Variants in EFNA5 observed in about 807,000 individuals in gnomAD.
EFNA5 encodes the protein ephrin A5.
Under a neutral mutation model 22.9 loss-of-function variants are expected in EFNA5, and 5 were observed. That is an observed-to-expected ratio of 0.22 (90% CI 0.11 to 0.46). The LOEUF (loss-of-function observed/expected upper bound fraction) is 0.46. EFNA5 is among the 20% of genes least tolerant of loss of function. EFNA5 has a pLI of 0.99. For missense variants in EFNA5, 237 were observed against 293.3 expected (o/e 0.81, Z 1.40); for synonymous variants, 113 against 112.2 (o/e 1.01, Z -0.04).
At chr5:107,553,937 C>T (rs1360624081) in intron 1 of EFNA5, among the ~76,000 whole-genome samples, 2 of 152,120 alleles carry the variant, frequency 1.3e-5, no homozygotes, top group East Asian at 3.8e-4. Context: ...TTCCACACAT[C>T]ATTATATTTT....
In EFNA5 at chr5:107,601,438, T is replaced by C. The variant is rs139244218; in HGVS notation, c.125+69051A>G. Among the ~76,000 whole-genome samples the C allele has an allele frequency of 6.3e-3, 952 of 152,218 alleles. 11 individuals are homozygous for C. Among genetic ancestry groups the C allele is most frequent in the African/African-American group, 0.022 (900 of 41,516 alleles). Reference sequence around the variant, plus strand: ...TGCACCATCTTCAGGACTGTAGAAGTAAGTGTAACTCTGAGAAAACAACCA... The same window carrying C: ...TGCACCATCTTCAGGACTGTAGAAGCAAGTGTAACTCTGAGAAAACAACCA... On this transcript the variant is annotated intron_variant, in intron 1 of 4. Coordinates refer to ENST00000333274, the MANE Select transcript of EFNA5 (RefSeq NM_001962.3).
intron 1 of EFNA5, among the ~76,000 whole-genome samples, chr5:107,476,057 T>TATACATATATATATATATATATA: frequency 6.0e-5 from 6 of 100,430 alleles, no homozygotes; most frequent in South Asian, 3.1e-4. Flanking sequence ...TATATATATA[T>TATACATATATATATATATATATA]TTTTTTTTTT....
intron 1 of EFNA5, among the ~76,000 whole-genome samples, chr5:107,432,911 G>A (rs1005652938): frequency 6.6e-6 from 1 of 152,038 alleles, no homozygotes; most frequent in Non-Finnish European, 1.5e-5. Flanking sequence ...TGAAGACAAG[G>A]ATGAAGACCT....
intron 1 of EFNA5, among the ~76,000 whole-genome samples, chr5:107,615,037 A>G (rs2112523662): frequency 6.6e-6 from 1 of 152,296 alleles, no homozygotes; most frequent in East Asian, 1.9e-4. Flanking sequence ...GTTAACTGCC[A>G]AAAGAAAATT....
At chr5:107,484,763 G>A (rs1746547637) in intron 1 of EFNA5, among the ~76,000 whole-genome samples, 2 of 152,046 alleles carry the variant, frequency 1.3e-5, no homozygotes, top group East Asian at 3.9e-4. Context: ...GCACAGGGAA[G>A]ATGAGGAGCT....
chr5:107,668,758 C>A (rs1222307021), intron 1 of EFNA5, among the ~76,000 whole-genome samples: 1 of 152,188 alleles, frequency 6.6e-6, no homozygotes, highest in Non-Finnish European at 1.5e-5. Context: ...AAAAACTAAC[C>A]AACATAATGA....
At chr5:107,578,473 T>C (rs1419050700) in intron 1 of EFNA5, among the ~76,000 whole-genome samples, 1 of 152,194 alleles carries the variant, frequency 6.6e-6, no homozygotes, top group Non-Finnish European at 1.5e-5. Context: ...CAGTTCCCAG[T>C]TCTAATCAGT....
At chr5:107,587,580 G>C (rs1227863419) in intron 1 of EFNA5, among the ~76,000 whole-genome samples, 1 of 152,096 alleles carries the variant, frequency 6.6e-6, no homozygotes, top group Non-Finnish European at 1.5e-5. Flanking sequence ...ACAGTGGCGC[G>C]ATCTTGGCTC....
chr5:107,444,503 T>C (rs1213230877), intron 1 of EFNA5, among the ~76,000 whole-genome samples: 3 of 152,232 alleles, frequency 2.0e-5, no homozygotes, highest in African/African-American at 7.2e-5. Context: ...TGAAAAAGTA[T>C]TTCACATCAT....
intron 1 of EFNA5, among the ~76,000 whole-genome samples, chr5:107,510,980 A>G (rs1219986532): frequency 6.7e-6 from 1 of 150,162 alleles, no homozygotes; most frequent in African/African-American, 2.5e-5. Context: ...ATTTCAACAT[A>G]GTTGCATTTC....
chr5:107,617,520 C>A (rs1561450745), intron 1 of EFNA5, among the ~76,000 whole-genome samples: 1 of 152,132 alleles, frequency 6.6e-6, no homozygotes, highest in Non-Finnish European at 1.5e-5. Context: ...ACAGCTTTCC[C>A]CGCCACCATT....
intron 1 of EFNA5, among the ~76,000 whole-genome samples, chr5:107,558,174 T>C (rs571103020): frequency 4.6e-5 from 7 of 152,032 alleles, no homozygotes; most frequent in Admixed American, 3.9e-4. Flanking sequence ...TTGCCCAAGC[T>C]TACACCGAAA....
At chr5:107,476,088 G>A (rs1477859056) in intron 1 of EFNA5, among the ~76,000 whole-genome samples, 2 of 64,314 alleles carry the variant, frequency 3.1e-5, no homozygotes, top group Non-Finnish European at 5.2e-5. Context: ...TCTTGCTCTT[G>A]TTGCTCAGGC....
At chr5:107,644,771 G>A (rs1416071458) in intron 1 of EFNA5, among the ~76,000 whole-genome samples, 3 of 152,002 alleles carry the variant, frequency 2.0e-5, no homozygotes, top group East Asian at 1.9e-4. Flanking sequence ...GTGCAATCTC[G>A]GCTCACTGCA....
chr5:107,631,012 C>T (rs1333650852), intron 1 of EFNA5, among the ~76,000 whole-genome samples: 2 of 152,140 alleles, frequency 1.3e-5, no homozygotes, highest in Non-Finnish European at 2.9e-5. Flanking sequence ...ACAGAACTGT[C>T]ACCTCCTATG....
intron 1 of EFNA5, among the ~76,000 whole-genome samples, chr5:107,591,951 A>AATATATTATATATATAATATATATT (rs1749356029): frequency 1.6e-4 from 2 of 12,376 alleles, no homozygotes; most frequent in South Asian, 6.7e-3. Context: ...TATTATATAT[A>AATATATTATATATATAATATATATT]ATATATAATA....
chr5:107,432,188 T>C (rs17159963), intron 1 of EFNA5, among the ~76,000 whole-genome samples: 2,505 of 152,310 alleles, frequency 0.016, 66 homozygotes, highest in African/African-American at 0.057. Context: ...AGCCTCAGAT[T>C]GCAGGGTTAG....
intron 1 of EFNA5, among the ~76,000 whole-genome samples, chr5:107,461,491 G>A (rs1043031673): frequency 6.6e-6 from 1 of 151,794 alleles, no homozygotes; most frequent in African/African-American, 2.4e-5. Flanking sequence ...TATAGAGGGG[G>A]GAAAAAAAGA....
At chr5:107,536,044 G>C (rs1747922672) in intron 1 of EFNA5, among the ~76,000 whole-genome samples, 1 of 152,096 alleles carries the variant, frequency 6.6e-6, no homozygotes, top group African/African-American at 2.4e-5. Flanking sequence ...TCAGTGGCAG[G>C]AACCACTGCT....
Sources: allele counts gnomAD v4.1 joint callset (sites outside exome capture counted in the v4.1 genomes callset), GRCh38; gene constraint gnomAD v4.1.1; transcripts MANE v1.5; gene names NCBI Gene and HGNC (gene_info 2026-07-23, HGNC 2026-07-21).